Variants in CC2D2A observed in about 807,000 individuals in gnomAD.
The protein encoded by CC2D2A is coiled-coil and C2 domain containing 2A.
CC2D2A carries 155 observed loss-of-function variants against 212.9 expected under a neutral mutation model. That is an observed-to-expected ratio of 0.73 (90% CI 0.64 to 0.83). CC2D2A has a LOEUF of 0.83. Ranked by LOEUF, CC2D2A falls within the 40% of genes least tolerant of loss-of-function variation. The pLI is 0.00. For synonymous variants in CC2D2A, 667 were observed against 686.5 expected, an observed-to-expected ratio of 0.97 and a Z score of 0.44; for missense variants, 1,856 against 1,956.2, an observed-to-expected ratio of 0.95 and a Z score of 0.97.
chr4:15,528,476 G>T, intron 12 of CC2D2A, 144 bp from the exon 13 acceptor site: 1 of 619,430 alleles, frequency 1.6e-6, no homozygotes, highest in East Asian at 2.8e-5. Context: ...TTATGTGAAA[G>T]TCTGGAGACA....
At chr4:15,527,806 C>A in intron 12 of CC2D2A, 150 bp downstream of exon 12, 1 of 653,950 alleles carries the variant, frequency 1.5e-6, no homozygotes, top group South Asian at 2.0e-5. Context: ...CAGCTAGAGA[C>A]AAAAGGGAAA....
intron 11 of CC2D2A, among the ~76,000 whole-genome samples, chr4:15,518,131 A>G (rs1330608088): frequency 6.6e-6 from 1 of 152,026 alleles, no homozygotes; most frequent in Admixed American, 6.6e-5. Context: ...ACATTTCAAA[A>G]CCAATCATTG....
At position 15,570,430 on chromosome 4, in the gene CC2D2A, T is replaced by A; in HGVS notation, c.3528T>A (p.Thr1176=). The A allele has an allele frequency of 1.9e-6, 3 of 1,607,284 alleles. No individual in the cohort carries two copies. Among genetic ancestry groups the A allele is most frequent in the Non-Finnish European group, 2.6e-6 (3 of 1,175,728 alleles). The stretch of plus-strand genomic sequence containing the variant: ...GTGAAAGAGGAAGTGGAATCCATAC[T>A]CGTATTGAGAGACACTGGCTGGGAT... ...DDRERGSGIH[T]RIERHWLGCV... The change falls in exon 28 of 37, where the codon ACT becomes ACA. Residue 1176 remains threonine (T), a synonymous_variant. Coordinates refer to ENST00000424120, the MANE Select transcript of CC2D2A (RefSeq NM_001378615.1).
Position 15,514,851 on chromosome 4 carries a change from A to C in CC2D2A, c.862A>C (p.Ile288Leu). The change falls in exon 9 of 37, where the codon ATA becomes CTA. Residue 288 changes from isoleucine to leucine, a missense_variant. By Grantham distance (5) the Ile-to-Leu change is conservative (BLOSUM62 2). Transcript: ENST00000424120. ...GCAGATGGAAAGAGAAATGCTCTTC[A>C]TACCCAGTAGGCAGACAGGTACTTG... Reference protein sequence around the residue: ...RLQMEREMLFIPSRQTVPTYK... With the variant: ...RLQMEREMLFLPSRQTVPTYK... 6.2e-7 allele frequency: 1 copy of C among 1,613,934 alleles called. No individual in the cohort carries two copies. The highest frequency in any genetic ancestry group is 2.2e-5 in the East Asian group (1 of 44,872).
At chr4:15,499,935 G>T (rs1423105591) in intron 4 of CC2D2A, among the ~76,000 whole-genome samples, 1 of 142,874 alleles carries the variant, frequency 7.0e-6, no homozygotes, top group Non-Finnish European at 1.5e-5. Flanking sequence ...CTGGGGAGGA[G>T]GAAACGGGTA....
chr4:15,479,300 G>A (rs1000847799), intron 3 of CC2D2A: 5 of 1,537,176 alleles, frequency 3.3e-6, no homozygotes, highest in Non-Finnish European at 4.4e-6. Context: ...TAGGCTGGGA[G>A]CATCCCGTGC....
chr4:15,596,659 T>C (rs1202003844), intron 34 of CC2D2A, among the ~76,000 whole-genome samples: 2 of 152,188 alleles, frequency 1.3e-5, no homozygotes, highest in Admixed American at 6.5e-5. Context: ...TTGATAGATA[T>C]ATGTATGTGT....
At chr4:15,582,435 GAT>G (rs1349303993) in intron 30 of CC2D2A, among the ~76,000 whole-genome samples, 2 of 151,730 alleles carry the variant, frequency 1.3e-5, no homozygotes, top group African/African-American at 4.8e-5. Flanking sequence ...TTTTAGAAAA[GAT>G]AAACAAAATC....
chr4:15,503,089 G>C (rs1289750198), intron 6 of CC2D2A, among the ~76,000 whole-genome samples, 166 bp downstream of exon 6: 10 of 152,108 alleles, frequency 6.6e-5, no homozygotes, highest in Admixed American at 5.9e-4. Flanking sequence ...TTGAGTCCAA[G>C]AGTTCAACAC....
intron 30 of CC2D2A, among the ~76,000 whole-genome samples, chr4:15,582,835 A>C (rs1720712597): frequency 6.6e-6 from 1 of 152,188 alleles, no homozygotes; most frequent in African/African-American, 2.4e-5. Context: ...ACTCTGTTAA[A>C]GTCATTTTAT....
At chr4:15,512,246 A>ACATATACT (rs1716609732) in intron 8 of CC2D2A, among the ~76,000 whole-genome samples, 1 of 152,230 alleles carries the variant, frequency 6.6e-6, no homozygotes, top group African/African-American at 2.4e-5. Context: ...AAGAATTTGA[A>ACATATACT]CATATACTTG....
Position 15,586,177 on chromosome 4 carries a change from G to A in CC2D2A, c.3996G>A (p.Val1332=), listed in dbSNP as rs751553707. ...TACAGGAACTGGTGGCTCGATATGT[G>A]TCCTTGATTCCCTTCTTGCCTGACA... The part of the protein sequence containing the change: ...QATAELVARY[V]SLIPFLPDTV... The change falls in exon 31 of 37, where the codon GTG becomes GTA. Residue 1332 remains valine, a synonymous_variant. Transcript: ENST00000424120. 3 of 1,610,492 alleles carry A rather than the reference G, an allele frequency of 1.9e-6. No individual in the cohort carries two copies. Among genetic ancestry groups the A allele is most frequent in the Non-Finnish European group, 2.5e-6 (3 of 1,177,666 alleles).
intron 30 of CC2D2A, among the ~76,000 whole-genome samples, chr4:15,583,604 G>C (rs971619687): frequency 6.6e-6 from 1 of 152,102 alleles, no homozygotes; most frequent in African/African-American, 2.4e-5. Flanking sequence ...AAATTTATAA[G>C]ATACCTAGGG....
At chr4:15,580,602 C>T (rs1448883649) in intron 30 of CC2D2A, among the ~76,000 whole-genome samples, 1 of 134,898 alleles carries the variant, frequency 7.4e-6, no homozygotes, top group Non-Finnish European at 1.5e-5. Flanking sequence ...TGTGTCATTG[C>T]ACTCTAGCCT....
chr4:15,507,995 T>C (rs907226816), intron 6 of CC2D2A, among the ~76,000 whole-genome samples: 8 of 152,130 alleles, frequency 5.3e-5, no homozygotes, highest in African/African-American at 1.2e-4. Context: ...TTAGGAGAGA[T>C]AGGGAATTTG....
At chr4:15,574,749 T>C (rs1212146158) in intron 29 of CC2D2A, among the ~76,000 whole-genome samples, 1 of 152,248 alleles carries the variant, frequency 6.6e-6, no homozygotes, top group Non-Finnish European at 1.5e-5. Flanking sequence ...ATGGTATGCA[T>C]TGAATCAATT....
chr4:15,480,193 T>C (rs1714535539), intron 3 of CC2D2A, among the ~76,000 whole-genome samples: 2 of 152,236 alleles, frequency 1.3e-5, no homozygotes, highest in Non-Finnish European at 2.9e-5. Flanking sequence ...ACAGTCAGTC[T>C]GAGTTTGGAG....
intron 11 of CC2D2A, among the ~76,000 whole-genome samples, chr4:15,524,439 A>C (rs1717385542): frequency 8.2e-6 from 1 of 121,452 alleles, no homozygotes; most frequent in South Asian, 2.6e-4. Flanking sequence ...CCTTCTGTAA[A>C]ATTTTTAATT....
intron 8 of CC2D2A, among the ~76,000 whole-genome samples, chr4:15,513,513 C>A (rs1304822970): frequency 6.6e-6 from 1 of 152,244 alleles, no homozygotes; most frequent in Admixed American, 6.5e-5. Context: ...AGCTCTGTTC[C>A]TAAAACTGCT....
Sources: gnomAD v4.1 joint callset for allele counts (sites outside exome capture counted in the v4.1 genomes callset) on GRCh38, gnomAD v4.1.1 for gene constraint, MANE v1.5 for transcripts, NCBI Gene and HGNC (gene_info 2026-07-23, HGNC 2026-07-21) for gene names.